The following GPATCH2L variants were observed in gnomAD, a reference collection of about 807,000 sequenced individuals.
The protein encoded by GPATCH2L is G patch domain-containing protein 2-like.
A neutral mutation model predicts 57.4 loss-of-function variants in GPATCH2L; 31 were observed. The ratio of observed to expected loss-of-function variants is 0.54; its 90% CI spans 0.41 to 0.73. The LOEUF (loss-of-function observed/expected upper bound fraction) is 0.73, where lower values mean the gene tolerates loss of function less well. GPATCH2L is among the 30% of genes least tolerant of loss of function. The pLI is 0.00. For synonymous variants in GPATCH2L, 199 were observed against 210.7 expected (o/e 0.94, Z 0.48); for missense variants, 481 against 599.9 (o/e 0.80, Z 2.07).
At chr14:76,215,242 C>T (rs1343401621), downstream of GPATCH2L, among the ~76,000 whole-genome samples, 2 of 151,876 alleles carry the variant, frequency 1.3e-5, no homozygotes, top group Non-Finnish European at 2.9e-5. Flanking sequence ...GTTAGAATGG[C>T]AATCATTAAA....
At chr14:76,182,211 G>A (rs1235311826) in intron 8 of GPATCH2L, among the ~76,000 whole-genome samples, 2 of 151,924 alleles carry the variant, frequency 1.3e-5, no homozygotes, top group Non-Finnish European at 2.9e-5. Context: ...CAAAAAATTA[G>A]CCAGGTGTGC....
Position 76,154,756 on chromosome 14 carries a change from G to C in GPATCH2L, c.393G>C (p.Lys131Asn). 6.2e-7 allele frequency: 1 copy of C among 1,614,238 alleles called. No homozygotes were observed. Among genetic ancestry groups the C allele is most frequent in the Non-Finnish European group, 8.5e-7 (1 of 1,180,050 alleles). ...APCRPLRRRRKVKRVTSEVAA... is the reference protein window; with the variant it reads ...APCRPLRRRRNVKRVTSEVAA... ...GTCGACCACTCAGGCGCAGGCGGAA[G>C]GTGAAGCGAGTGACATCAGAGGTGG... Residue 131 changes from lysine to asparagine, a missense_variant, in exon 2 of 10, where the codon AAG (lysine) becomes AAC (asparagine). Physicochemically the swap from Lys to Asn is moderately conservative, Grantham distance 94. This residue lies in a region of GPATCH2L where 208 missense variants were observed against 272.4 expected (regional missense o/e 0.76). Coordinates refer to ENST00000261530, the MANE Select transcript of GPATCH2L (RefSeq NM_017926.4). The surrounding 1 kb of genome is among the most constrained non-coding windows in gnomAD (Gnocchi z 4.4).
chr14:76,185,984 A>G (rs1441147742), intron 8 of GPATCH2L, among the ~76,000 whole-genome samples: 2 of 152,174 alleles, frequency 1.3e-5, no homozygotes, highest in South Asian at 2.1e-4. Context: ...CAATTTCTAC[A>G]TCTTTAAAAT....
intron 5 of GPATCH2L, chr14:76,174,287 T>C (rs571817410): frequency 6.6e-6 from 1 of 152,344 alleles, no homozygotes; most frequent in African/African-American, 2.4e-5. Flanking sequence ...CCAGGTCTAC[T>C]TTTATCTTTT....
chr14:76,189,787 A>G (rs1279524418), intron 8 of GPATCH2L, among the ~76,000 whole-genome samples: 1 of 152,090 alleles, frequency 6.6e-6, no homozygotes, highest in Non-Finnish European at 1.5e-5. Context: ...CATATCTTAG[A>G]AGAGAGGCCT....
At chr14:76,217,741 C>A (rs2139858530), downstream of GPATCH2L, among the ~76,000 whole-genome samples, 1 of 152,230 alleles carries the variant, frequency 6.6e-6, no homozygotes, top group Non-Finnish European at 1.5e-5. Context: ...CTGTAGACCA[C>A]TGTAGAAGAG....
intron 2 of GPATCH2L, among the ~76,000 whole-genome samples, chr14:76,165,262 G>C (rs972004801): frequency 1.3e-5 from 2 of 152,110 alleles, no homozygotes; most frequent in African/African-American, 4.8e-5. Flanking sequence ...GGGAGGCCAT[G>C]GTGGGCGGAT....
At position 76,196,088 on chromosome 14, in the gene GPATCH2L, C is replaced by T. The variant is rs765416129; in HGVS notation, c.1288+116C>T. ...GATAGTGTAGGTCATTTTATTCCCA[C>T]TTTACATGGGAAAACTGAGACTACA... On this transcript the variant is annotated intron_variant, in intron 9 of 9. Coordinates refer to ENST00000261530, the MANE Select transcript of GPATCH2L (RefSeq NM_017926.4). 4.8e-6 allele frequency: 4 copies of T among 835,002 alleles called. No homozygotes were observed. In the Admixed American group the frequency reaches 7.5e-5, roughly 16 times the overall value. 51.7% of individuals were successfully genotyped at this position (835,002 alleles called of 1,614,324 possible). A position where few individuals can be genotyped will look rare whatever the true frequency, so the allele number is the denominator to read the frequency against.
At chr14:76,179,338 T>A (rs2039469208) in intron 7 of GPATCH2L, 1 of 152,174 alleles carries the variant, frequency 6.6e-6, no homozygotes, top group Non-Finnish European at 1.5e-5. Flanking sequence ...AAATAATTGA[T>A]ATGAGGAAAA....
chr14:76,152,234 G>C (rs2038076730), intron 1 of GPATCH2L, among the ~76,000 whole-genome samples: 1 of 152,162 alleles, frequency 6.6e-6, no homozygotes, highest in South Asian at 2.1e-4. Context: ...CTCTGGGGCG[G>C]GCTGCAGCCT....
At chr14:76,228,947 C>T (rs1446726405) in intron 1 of GPATCH2L, among the ~76,000 whole-genome samples, 1 of 152,196 alleles carries the variant, frequency 6.6e-6, no homozygotes, top group Non-Finnish European at 1.5e-5. Context: ...ATCAATGATG[C>T]TGTGTCCTGA....
At chr14:76,235,161 T>A (rs4427732) in intron 2 of GPATCH2L, among the ~76,000 whole-genome samples, 89,272 of 145,016 alleles carry the variant, frequency 0.62, 27,646 homozygotes, top group East Asian at 0.75. Context: ...AGAGCGAAAC[T>A]CTGTCTCAAA....
At chr14:76,162,756 G>A (rs1229604685) in intron 2 of GPATCH2L, among the ~76,000 whole-genome samples, 1 of 152,094 alleles carries the variant, frequency 6.6e-6, no homozygotes, top group Non-Finnish European at 1.5e-5. Flanking sequence ...AGTATATTTT[G>A]GTGTATTTTA....
At chr14:76,166,090 T>G (rs1372650554) in intron 2 of GPATCH2L, among the ~76,000 whole-genome samples, 1 of 152,224 alleles carries the variant, frequency 6.6e-6, no homozygotes, top group Non-Finnish European at 1.5e-5. Context: ...CAAATTAAGT[T>G]TGTTTTTATA....
chr14:76,191,396 G>C (rs2039958663), intron 8 of GPATCH2L, among the ~76,000 whole-genome samples: 1 of 152,052 alleles, frequency 6.6e-6, no homozygotes, highest in South Asian at 2.1e-4. Flanking sequence ...GAACTGTCTT[G>C]TCAATAGGAA....
chr14:76,231,775 G>T (rs980543545), intron 2 of GPATCH2L, among the ~76,000 whole-genome samples: 1 of 151,992 alleles, frequency 6.6e-6, no homozygotes, highest in Admixed American at 6.5e-5. Flanking sequence ...CTACTCATTG[G>T]CATTTTGTTA....
intron 5 of GPATCH2L, chr14:76,176,385 G>A (rs1438787123): frequency 3.6e-6 from 2 of 552,744 alleles, no homozygotes; most frequent in East Asian, 3.0e-5. Flanking sequence ...CAGTGTCTAT[G>A]ATGTATTTAT....
Position 76,209,856 on chromosome 14 carries a change from GTAGTCA to G in GPATCH2L, c.*8008_*8013del, listed in dbSNP as rs2040420732. On this transcript the variant is annotated 3_prime_UTR_variant, in exon 10 of 10. Transcript: ENST00000261530. ...AATATGGGGTAGGTGGATCTGATTA[GTAGTCA>G]TATGCCTGTGTCCTGGCTAGGAAGT... 1 of 152,206 alleles carries G rather than the reference GTAGTCA, an allele frequency of 6.6e-6. No homozygotes were observed. The highest frequency in any genetic ancestry group is 2.1e-4 in the South Asian group (1 of 4,830). 9.4% of individuals were successfully genotyped at this position (152,206 alleles called of 1,614,324 possible).
intron 1 of GPATCH2L, among the ~76,000 whole-genome samples, chr14:76,226,846 A>C (rs1284743948): frequency 1.3e-5 from 2 of 152,180 alleles, no homozygotes; most frequent in African/African-American, 4.8e-5. Flanking sequence ...AAAATAAACT[A>C]AGAGAGTTCT....
Sources: gnomAD v4.1 joint callset for allele counts (sites outside exome capture counted in the v4.1 genomes callset) on GRCh38, gnomAD v4.1.1 for gene constraint, gnomAD v4.1.1 regional missense constraint, Gnocchi (gnomAD v3.1) non-coding constraint, MANE v1.5 for transcripts, NCBI Gene and HGNC (gene_info 2026-07-23, HGNC 2026-07-21) for gene names.